Variants in CREBRF observed in about 807,000 individuals in gnomAD.
CREBRF encodes the protein CREB3 regulatory factor, also known as UPF0474 protein C5orf41.
CREBRF carries 5 observed loss-of-function variants against 66.1 expected under a neutral mutation model. That is an observed-to-expected ratio of 0.08 (90% CI 0.04 to 0.16). The LOEUF is 0.16. Ranked by LOEUF, CREBRF falls within the 10% of genes least tolerant of loss-of-function variation. The pLI is 1.00. For missense variants in CREBRF, 531 were observed against 744.9 expected (o/e 0.71, Z 3.34); for synonymous variants, 229 against 264.4 (o/e 0.87, Z 1.30).
At chr5:173,104,448 A>T (rs1304171531) in intron 4 of CREBRF, among the ~76,000 whole-genome samples, 2 of 152,150 alleles carry the variant, frequency 1.3e-5, no homozygotes, top group Non-Finnish European at 2.9e-5. Context: ...TGGGAGGCTG[A>T]AATGGGAAGA....
Position 173,082,935 on chromosome 5 carries a change from A to C in CREBRF, c.9+2151A>C, listed in dbSNP as rs981519786. The stretch of plus-strand genomic sequence containing the variant: ...AAAAAAAAAAAAAAAAAAAAAAAAA[A>C]AAAAAAAAAAACCGGGTGCAGTGGC... On this transcript the variant is annotated intron_variant, in intron 2 of 8. Coordinates refer to ENST00000296953, the MANE Select transcript of CREBRF (RefSeq NM_153607.3). 1.3e-4 allele frequency among the ~76,000 whole-genome samples: 18 copies of C among 143,124 alleles called. No individual in the cohort carries two copies. The East Asian group carries it at 1.8e-3, about 14-fold the overall frequency. 93.9% of individuals were successfully genotyped at this position (143,124 alleles called of 152,430 possible).
At chr5:173,092,326 A>G in intron 4 of CREBRF, 1 of 983,828 alleles carries the variant, frequency 1.0e-6, no homozygotes, top group African/African-American at 1.7e-5. Flanking sequence ...TTTGGTGAGC[A>G]TGAAGGAGAC....
chr5:173,059,250 C>T (rs1452689670), intron 1 of CREBRF, among the ~76,000 whole-genome samples: 10 of 121,726 alleles, frequency 8.2e-5, no homozygotes, highest in Non-Finnish European at 1.4e-4. Flanking sequence ...ATCAGTTCTT[C>T]TTTTTCTTTT....
At chr5:173,062,904 C>T (rs895527571) in intron 1 of CREBRF, among the ~76,000 whole-genome samples, 14 of 151,926 alleles carry the variant, frequency 9.2e-5, no homozygotes, top group Non-Finnish European at 1.8e-4. Context: ...CCCGCCACTA[C>T]GCCCGGCTAA....
At position 173,069,646 on chromosome 5, in the gene CREBRF, A is replaced by T. The variant is rs74562543; in HGVS notation, c.-191-10939A>T. 9.8e-3 allele frequency among the ~76,000 whole-genome samples: 1,489 copies of T among 152,170 alleles called. 17 individuals carry two copies. Among genetic ancestry groups the T allele is most frequent in the Middle Eastern group, 0.034 (10 of 294 alleles). On this transcript the variant is annotated intron_variant, in intron 1 of 8. Coordinates refer to ENST00000296953, the MANE Select transcript of CREBRF (RefSeq NM_153607.3). ...CATGAAATTCAAAATATTCACTCACAATGCATAACCTTTTACCTAGAGTTT... is the reference window on the plus strand; with the variant it reads ...CATGAAATTCAAAATATTCACTCACTATGCATAACCTTTTACCTAGAGTTT...
At chr5:173,111,439 G>A (rs186968124) in intron 6 of CREBRF, among the ~76,000 whole-genome samples, 208 of 152,226 alleles carry the variant, frequency 1.4e-3, no homozygotes, top group Non-Finnish European at 2.4e-3. Flanking sequence ...GCTAATTTTT[G>A]TATTTTTTGT....
intron 4 of CREBRF, among the ~76,000 whole-genome samples, chr5:173,104,257 C>T (rs1581689370): frequency 1.3e-5 from 2 of 152,128 alleles, no homozygotes; most frequent in East Asian, 3.9e-4. Flanking sequence ...TCGGGTAAAA[C>T]CATATCTCAC....
At chr5:173,110,862 A>C (rs1253188008) in intron 6 of CREBRF, 151 bp downstream of exon 6, 1 of 627,924 alleles carries the variant, frequency 1.6e-6, no homozygotes, top group Non-Finnish European at 2.5e-6. Context: ...TTGAAAGTAG[A>C]AGACGGTATT....
intron 2 of CREBRF, among the ~76,000 whole-genome samples, chr5:173,082,116 C>A (rs2113711236): frequency 6.8e-6 from 1 of 147,844 alleles, no homozygotes; most frequent in South Asian, 2.2e-4. Context: ...CGGGTTCACG[C>A]CATTCTCCTG....
rs564910071 is a variant in CREBRF at position 173,106,200 on chromosome 5, C to T, written c.1223-2424C>T. 9.9e-5 allele frequency among the ~76,000 whole-genome samples: 15 copies of T among 151,020 alleles called. No homozygotes were observed. The East Asian group carries it at 2.2e-3, about 22-fold the overall frequency. Reference sequence around the variant, plus strand: ...ATCCCAGCGCTTTGGGAGGCCGTGGCGGGTGGATCATGAGGTCAGGAGATC... The same window carrying T: ...ATCCCAGCGCTTTGGGAGGCCGTGGTGGGTGGATCATGAGGTCAGGAGATC... On this transcript the variant is annotated intron_variant, in intron 4 of 8. Transcript: ENST00000296953.
At chr5:173,059,256 CTTTTT>C (rs780723745) in intron 1 of CREBRF, among the ~76,000 whole-genome samples, 4 of 117,644 alleles carry the variant, frequency 3.4e-5, no homozygotes, top group South Asian at 5.2e-4. Context: ...TCTTCTTTTT[CTTTTT>C]TTTCTTTTTT....
In CREBRF at chr5:173,112,315, G is replaced by A. The variant is rs774604854; in HGVS notation, c.1617G>A (p.Arg539=). The change falls in exon 7 of 9, where the codon CGG becomes CGA. Residue 539 remains arginine (R), a synonymous_variant. Coordinates refer to ENST00000296953, the MANE Select transcript of CREBRF (RefSeq NM_153607.3). ...EKNKLASRAC[R]LKKKAQYEAN... ...CTCCTTCCTTTCACAGAGCTTGTCG[G>A]TTAAAGAAGAAAGCCCAGTATGAAG... The A allele has an allele frequency of 1.9e-6, 3 of 1,596,274 alleles. No individual in the cohort carries two copies. The highest frequency in any genetic ancestry group is 1.3e-5 in the African/African-American group (1 of 74,206).
rs1349639065 is a variant in CREBRF, at chr5:173,138,572, G to C, written c.*4827G>C. On this transcript the variant is annotated 3_prime_UTR_variant, in exon 9 of 9. Coordinates refer to ENST00000296953, the MANE Select transcript of CREBRF (RefSeq NM_153607.3). ...AACTAGTGAAGAACATCAAAGTTGG[G>C]TATTTCAATGTGCCAAGTTTGGGTG... 1 of 152,148 alleles carries C rather than the reference G, an allele frequency of 6.6e-6. No homozygotes were observed. The highest frequency in any genetic ancestry group is 1.5e-5 in the Non-Finnish European group (1 of 68,004). The allele number at this position is 152,148 out of a possible 1,614,324, so 9.4% of individuals were successfully genotyped here. A position where few individuals can be genotyped will look rare whatever the true frequency, so the allele number is the denominator to read the frequency against.
rs909989651 is a variant in CREBRF at position 173,108,578 on chromosome 5, T to G, written c.1223-46T>G. On this transcript the variant is annotated intron_variant, in intron 4 of 8. Transcript: ENST00000296953. The stretch of plus-strand genomic sequence containing the variant: ...GGTCTTTTCATTTGTTCTGATTGAT[T>G]TATTGAAATTTATGGAGCTTAAAAA... 16 of 1,515,772 alleles carry G rather than the reference T, an allele frequency of 1.1e-5. No homozygotes were observed. In the African/African-American group the frequency reaches 2.2e-4, roughly 21 times the overall value. 93.9% of individuals were successfully genotyped at this position (1,515,772 alleles called of 1,614,324 possible).
At chr5:173,060,819 C>T (rs759449603) in intron 1 of CREBRF, among the ~76,000 whole-genome samples, 11 of 151,792 alleles carry the variant, frequency 7.2e-5, no homozygotes, top group Non-Finnish European at 1.3e-4. Flanking sequence ...GAATCTGTAG[C>T]ATGGAAACAG....
chr5:173,128,847 C>A (rs1759336022), intron 8 of CREBRF, among the ~76,000 whole-genome samples: 1 of 151,764 alleles, frequency 6.6e-6, no homozygotes, highest in Non-Finnish European at 1.5e-5. Flanking sequence ...GTGGCTCGAT[C>A]TCGGCTCACC....
At chr5:173,092,262 C>A in intron 4 of CREBRF, 1 of 979,532 alleles carries the variant, frequency 1.0e-6, no homozygotes, top group Non-Finnish European at 1.2e-6. Context: ...TTTGTGTCTG[C>A]TAACATTTTA....
At chr5:173,072,179 C>T (rs1457870523) in intron 1 of CREBRF, among the ~76,000 whole-genome samples, 2 of 152,086 alleles carry the variant, frequency 1.3e-5, no homozygotes, top group Non-Finnish European at 2.9e-5. Context: ...ACAATCATAG[C>T]TCACTACAGT....
intron 1 of CREBRF, among the ~76,000 whole-genome samples, chr5:173,063,569 A>C (rs1242646761): frequency 1.3e-5 from 2 of 152,042 alleles, no homozygotes; most frequent in Admixed American, 1.3e-4. Context: ...GGGTTTCGCC[A>C]TGTTGGCCAG....
Sources: gnomAD v4.1 joint callset for allele counts (sites outside exome capture counted in the v4.1 genomes callset) on GRCh38, gnomAD v4.1.1 for gene constraint, MANE v1.5 for transcripts, NCBI Gene and HGNC (gene_info 2026-07-23, HGNC 2026-07-21) for gene names.